SIAH3: variants seen among roughly 807,000 people sequenced by gnomAD.
The protein encoded by SIAH3 is siah E3 ubiquitin protein ligase family member 3.
Under a neutral mutation model 12.6 loss-of-function variants are expected in SIAH3, and 9 were observed. The observed-to-expected ratio is 0.72, with a 90% CI of 0.43 to 1.25. SIAH3 has a LOEUF of 1.25. SIAH3 is among the 50% of genes most tolerant of loss of function. SIAH3 has a pLI of 0.00. For missense variants in SIAH3, 390 were observed against 365.4 expected, an observed-to-expected ratio of 1.07 and a Z score of -0.55; for synonymous variants, 154 against 151.1, an observed-to-expected ratio of 1.02 and a Z score of -0.14.
chr13:45,836,442 A>AAGGAACAAGATCGTGTCCTTTGC lies in SIAH3; in HGVS notation c.135+15030_135+15052dup. 2.0e-5 allele frequency among the ~76,000 whole-genome samples: 3 copies of AAGGAACAAGATCGTGTCCTTTGC among 152,310 alleles called. No individual in the cohort carries two copies. The East Asian group carries it at 5.8e-4, about 29-fold the overall frequency. ...TGGAGTTGGAAGCCACTATATTATC[A>AAGGAACAAGATCGTGTCCTTTGC]AGGAACAAGATCGTGTCCTTTGCAG... is the stretch of plus-strand genomic sequence containing the variant. On this transcript the variant is annotated intron_variant, in intron 1 of 1. Transcript: ENST00000400405.
rs190795043 is a variant in SIAH3, at chr13:45,822,193, C to A, written c.135+29302G>T. Among the ~76,000 whole-genome samples, 18 of 152,164 alleles carry A rather than the reference C, an allele frequency of 1.2e-4. 1 individual carries two copies. The highest frequency in any genetic ancestry group is 1.0e-4 in the Non-Finnish European group (7 of 67,992). On this transcript the variant is annotated intron_variant, in intron 1 of 1. Coordinates refer to ENST00000400405, the MANE Select transcript of SIAH3 (RefSeq NM_198849.3). ...TTCTGAAGACACTGGGGTCTCAATG[C>A]GGACCTATATGGTGTCCCACTGCCA...
At chr13:45,790,359 T>A (rs1227376444) in intron 1 of SIAH3, among the ~76,000 whole-genome samples, 1 of 152,180 alleles carries the variant, frequency 6.6e-6, no homozygotes, top group African/African-American at 2.4e-5. Context: ...AGGGTCCATA[T>A]AGATGTCTTC....
At chr13:45,843,353 C>T (rs974981221) in intron 1 of SIAH3, among the ~76,000 whole-genome samples, 1 of 152,068 alleles carries the variant, frequency 6.6e-6, no homozygotes, top group Non-Finnish European at 1.5e-5. Context: ...GTGGTGTCAT[C>T]GAGCCTGCAG....
chr13:45,796,018 A>T (rs1429780187), intron 1 of SIAH3, among the ~76,000 whole-genome samples: 2 of 152,242 alleles, frequency 1.3e-5, no homozygotes, highest in Non-Finnish European at 2.9e-5. Flanking sequence ...AAAACATATA[A>T]AATTGATCTA....
At chr13:45,831,835 G>C (rs1950700380) in intron 1 of SIAH3, among the ~76,000 whole-genome samples, 1 of 152,224 alleles carries the variant, frequency 6.6e-6, no homozygotes, top group African/African-American at 2.4e-5. Context: ...CCAAAACCCT[G>C]TTTTCACAGC....
At chr13:45,791,600 G>A (rs1950545861) in intron 1 of SIAH3, among the ~76,000 whole-genome samples, 1 of 152,172 alleles carries the variant, frequency 6.6e-6, no homozygotes, top group Non-Finnish European at 1.5e-5. Context: ...GAACACAGAA[G>A]TCACATTTGA....
At chr13:45,788,725 G>T (rs1343419423) in intron 1 of SIAH3, among the ~76,000 whole-genome samples, 2 of 152,148 alleles carry the variant, frequency 1.3e-5, no homozygotes, top group African/African-American at 2.4e-5. Flanking sequence ...GCTCCCTGTG[G>T]TCACCAAGCT....
At chr13:45,831,134 G>A (rs1366244850) in intron 1 of SIAH3, among the ~76,000 whole-genome samples, 6 of 151,830 alleles carry the variant, frequency 4.0e-5, no homozygotes, top group South Asian at 2.1e-4. Flanking sequence ...AGCCGAGATC[G>A]GGCCACTGCA....
chr13:45,843,325 A>G (rs1167511564), intron 1 of SIAH3, among the ~76,000 whole-genome samples: 1 of 151,932 alleles, frequency 6.6e-6, no homozygotes, highest in African/African-American at 2.4e-5. Context: ...CTCTGTCTCT[A>G]CCCTGCTGAA....
At chr13:45,837,269 G>A (rs1393878367) in intron 1 of SIAH3, among the ~76,000 whole-genome samples, 1 of 152,116 alleles carries the variant, frequency 6.6e-6, no homozygotes, top group Non-Finnish European at 1.5e-5. Context: ...CTTTGGATTT[G>A]TTCATAGAGT....
chr13:45,801,227 C>G (rs1317367678), intron 1 of SIAH3, among the ~76,000 whole-genome samples: 1 of 152,112 alleles, frequency 6.6e-6, no homozygotes, highest in Non-Finnish European at 1.5e-5. Context: ...TCCCTCAGTA[C>G]CAAATGGCTT....
chr13:45,843,764 G>A (rs142422907), intron 1 of SIAH3, among the ~76,000 whole-genome samples: 1,602 of 152,284 alleles, frequency 0.011, 32 homozygotes, highest in African/African-American at 0.037. Context: ...CAGAGAGGAA[G>A]GGAAGGCGGA....
Position 45,842,016 on chromosome 13 carries a change from C to A in SIAH3, c.135+9479G>T, listed in dbSNP as rs375482796. Among the ~76,000 whole-genome samples the A allele has an allele frequency of 1.4e-4, 21 of 152,350 alleles. 1 individual carries two copies. The highest frequency in any genetic ancestry group is 9.8e-4 in the Admixed American group (15 of 15,304). The stretch of plus-strand genomic sequence containing the variant: ...TCTGCTGGAGCCTCATCAGTGGGAA[C>A]CTTGGGCAAGTCACTTCATCCCCTT... On this transcript the variant is annotated intron_variant, in intron 1 of 1. Coordinates refer to ENST00000400405, the MANE Select transcript of SIAH3 (RefSeq NM_198849.3).
intron 1 of SIAH3, among the ~76,000 whole-genome samples, chr13:45,843,034 C>CTGTGTGTGTGTGTGTG (rs55772614): frequency 1.4e-4 from 19 of 139,186 alleles, no homozygotes; most frequent in African/African-American, 3.7e-4. Context: ...CTCTCTCTCT[C>CTGTGTGTGTGTGTGTG]TGTGTGTGTG....
chr13:45,807,965 T>C (rs1477519252), intron 1 of SIAH3, among the ~76,000 whole-genome samples: 2 of 152,274 alleles, frequency 1.3e-5, no homozygotes, highest in African/African-American at 4.8e-5. Context: ...TATTTTATTA[T>C]ATTTTGCTAT....
At chr13:45,823,017 CT>C (rs1345861944) in intron 1 of SIAH3, among the ~76,000 whole-genome samples, 2 of 152,172 alleles carry the variant, frequency 1.3e-5, no homozygotes, top group South Asian at 2.1e-4. Context: ...AGACAGAAAG[CT>C]TCTCCTTAGA....
At chr13:45,810,274 T>G (rs1197939905) in intron 1 of SIAH3, among the ~76,000 whole-genome samples, 1 of 152,186 alleles carries the variant, frequency 6.6e-6, no homozygotes, top group Non-Finnish European at 1.5e-5. Context: ...TCATGGCTAG[T>G]CAGCTGAATG....
At chr13:45,834,969 G>A (rs1410332751) in intron 1 of SIAH3, among the ~76,000 whole-genome samples, 2 of 152,146 alleles carry the variant, frequency 1.3e-5, no homozygotes, top group African/African-American at 4.8e-5. Context: ...TTATAAGTGT[G>A]TATTTAAAGA....
chr13:45,845,935 C>T (rs1473181026), intron 1 of SIAH3, among the ~76,000 whole-genome samples: 3 of 151,918 alleles, frequency 2.0e-5, no homozygotes, highest in Non-Finnish European at 4.4e-5. Context: ...CTGCTGGCCC[C>T]AGGAGGAGAG....
Sources: allele counts gnomAD v4.1 joint callset (sites outside exome capture counted in the v4.1 genomes callset), GRCh38; gene constraint gnomAD v4.1.1; transcripts MANE v1.5; gene names NCBI Gene and HGNC (gene_info 2026-07-23, HGNC 2026-07-21).